Variants in EML4 observed in about 807,000 individuals in gnomAD.
EML4 encodes the protein echinoderm microtubule-associated protein-like 4.
A neutral mutation model predicts 129.0 loss-of-function variants in EML4; 72 were observed. The observed-to-expected ratio is 0.56, with a 90% CI of 0.46 to 0.68. The LOEUF is 0.68. Ranked by LOEUF, EML4 falls within the 30% of genes least tolerant of loss-of-function variation. The pLI is 0.00. For missense variants in EML4, 1,363 were observed against 1,190.6 expected, an observed-to-expected ratio of 1.14 and a Z score of -2.13; for synonymous variants, 532 against 405.0, an observed-to-expected ratio of 1.31 and a Z score of -3.77.
In EML4 at chr2:42,261,252, A is replaced by G. The variant is rs1163484049; in HGVS notation, c.470A>G (p.His157Arg). Residue 157 changes from histidine to arginine, a missense_variant, in exon 4 of 23, where the codon CAC (histidine) becomes CGC (arginine). Physicochemically the swap from His to Arg is conservative, Grantham distance 29 (BLOSUM62 0). Coordinates refer to ENST00000318522, the MANE Select transcript of EML4 (RefSeq NM_019063.5). The stretch of plus-strand genomic sequence containing the variant: ...CCCTCTTCACAACCTCTCCAAATAC[A>G]CAGACAAACTCCAGAAAGCAAGAAT... ...PQPSSQPLQI[H>R]RQTPESKNAT... 5.0e-6 allele frequency: 8 copies of G among 1,613,794 alleles called. No homozygotes were observed. The highest frequency in any genetic ancestry group is 6.8e-6 in the Non-Finnish European group (8 of 1,179,884).
chr2:42,212,674 A>G (rs1490712041), intron 1 of EML4, among the ~76,000 whole-genome samples: 1 of 152,376 alleles, frequency 6.6e-6, no homozygotes, highest in South Asian at 2.1e-4. Flanking sequence ...CTGTATGTCC[A>G]CATTATTCAC....
chr2:42,329,678 A>G lies in EML4; in HGVS notation c.2473-56A>G, dbSNP rs187296631. The G allele has an allele frequency of 2.4e-4, 344 of 1,452,098 alleles. No individual in the cohort carries two copies. In the African/African-American group the frequency reaches 4.5e-3, roughly 19 times the overall value. The allele number at this position is 1,452,098 out of a possible 1,614,324, so 90.0% of individuals were successfully genotyped here. A position where few individuals can be genotyped will look rare whatever the true frequency, so the allele number is the denominator to read the frequency against. On this transcript the variant is annotated intron_variant, in intron 22 of 22. Transcript: ENST00000318522. ...CTTACGTATCACCTCCATTTCTGAA[A>G]CAGGCATGTCAAGAATGAGTTTAAT...
intron 8 of EML4, among the ~76,000 whole-genome samples, chr2:42,283,367 A>G (rs554034143): frequency 2.8e-4 from 43 of 152,300 alleles, no homozygotes; most frequent in Non-Finnish European, 5.3e-4. Context: ...TTGAAGCTTT[A>G]TTCTTTTGGG....
At chr2:42,283,661 TTATAA>T (rs1324260075) in intron 8 of EML4, among the ~76,000 whole-genome samples, 4 of 152,182 alleles carry the variant, frequency 2.6e-5, no homozygotes, top group East Asian at 1.9e-4. Context: ...TAGATGACTA[TTATAA>T]TATTATATAG....
In EML4 at chr2:42,271,002, C is replaced by A. The variant is rs142061735; in HGVS notation, c.667+6271C>A. On this transcript the variant is annotated intron_variant, in intron 6 of 22. Coordinates refer to ENST00000318522, the MANE Select transcript of EML4 (RefSeq NM_019063.5). Reference sequence around the variant, plus strand: ...CCTTGACCTCCCGGGCTCAGTTGATCCTCCCATCTCAGCCCCCAGAGTAGC... The same window carrying A: ...CCTTGACCTCCCGGGCTCAGTTGATACTCCCATCTCAGCCCCCAGAGTAGC... Among the ~76,000 whole-genome samples, 685 of 152,230 alleles carry A rather than the reference C, an allele frequency of 4.5e-3. 5 individuals carry two copies. Among genetic ancestry groups the A allele is most frequent in the Non-Finnish European group, 7.9e-3 (534 of 68,012 alleles).
At chr2:42,176,356 C>T (rs866090237) in intron 1 of EML4, among the ~76,000 whole-genome samples, 2 of 152,134 alleles carry the variant, frequency 1.3e-5, no homozygotes, top group Non-Finnish European at 2.9e-5. Flanking sequence ...TTATTTTGTA[C>T]AGGGCCCTCA....
intron 2 of EML4, among the ~76,000 whole-genome samples, chr2:42,251,180 C>T (rs112921853): frequency 0.037 from 5,634 of 152,266 alleles, 142 homozygotes; most frequent in Middle Eastern, 0.075. Flanking sequence ...GTTGGGGACC[C>T]CTGGTATAGT....
intron 1 of EML4, among the ~76,000 whole-genome samples, chr2:42,218,882 G>T (rs1020356643): frequency 6.6e-6 from 1 of 152,158 alleles, no homozygotes. Context: ...CAGCCTAGAC[G>T]TGAACTCCTG....
At chr2:42,248,725 T>C (rs1675573202) in intron 2 of EML4, among the ~76,000 whole-genome samples, 1 of 152,306 alleles carries the variant, frequency 6.6e-6, no homozygotes, top group Middle Eastern at 3.4e-3. Flanking sequence ...TACTTCATAA[T>C]TAACTTTGCT....
chr2:42,304,234 T>C (rs1338168244), intron 16 of EML4, among the ~76,000 whole-genome samples: 1 of 152,210 alleles, frequency 6.6e-6, no homozygotes, highest in Non-Finnish European at 1.5e-5. Context: ...TTTGTTGTTA[T>C]TATCCTTATT....
rs1003470710 is a variant in EML4, at chr2:42,330,679, CCT to C, written c.*476_*477del. On this transcript the variant is annotated 3_prime_UTR_variant, in exon 23 of 23. Transcript: ENST00000318522. ...AAAAAATGTACTCTTACTGAGATAC[CCT>C]CTCACCCCAAATGTGTAATGGAAAA... 5.6e-5 allele frequency: 14 copies of C among 248,906 alleles called. No individual in the cohort carries two copies. The highest frequency in any genetic ancestry group is 3.1e-4 in the African/African-American group (14 of 44,494). 15.4% of individuals were successfully genotyped at this position (248,906 alleles called of 1,614,324 possible). A position where few individuals can be genotyped will look rare whatever the true frequency, so the allele number is the denominator to read the frequency against.
In EML4 at chr2:42,325,571, T is replaced by TA; in HGVS notation, c.2242+17_2242+18insA. ...TATTGTACTGTAAGTATGAATGATT[T>TA]TATATATATATATATATGCTATGAT... On this transcript the variant is annotated intron_variant, in intron 20 of 22. Transcript: ENST00000318522. The TA allele has an allele frequency of 1.2e-5, 6 of 488,236 alleles. No individual in the cohort carries two copies. The highest frequency in any genetic ancestry group is 1.8e-5 in the Non-Finnish European group (5 of 285,254). 30.2% of individuals were successfully genotyped at this position (488,236 alleles called of 1,614,324 possible).
rs1558614750 is a variant in EML4 at position 42,325,602 on chromosome 2, T to TAATATA, written c.2242+48_2242+49insAATATA. On this transcript the variant is annotated intron_variant, in intron 20 of 22. Coordinates refer to ENST00000318522, the MANE Select transcript of EML4 (RefSeq NM_019063.5). Reference sequence around the variant, plus strand: ...ATATATATATATGCTATGATTATATTTATATATATATATATATATATATAT... The same window carrying TAATATA: ...ATATATATATATGCTATGATTATATTAATATATATATATATATATATATATATATAT... The TAATATA allele has an allele frequency of 7.7e-4, 100 of 129,330 alleles. 8 individuals carry two copies. The highest frequency in any genetic ancestry group is 1.3e-3 in the Non-Finnish European group (82 of 62,006). 8.0% of individuals were successfully genotyped at this position (129,330 alleles called of 1,614,324 possible). A position where few individuals can be genotyped will look rare whatever the true frequency, so the allele number is the denominator to read the frequency against.
intron 17 of EML4, among the ~76,000 whole-genome samples, chr2:42,306,331 G>GT (rs2103741527): frequency 6.6e-6 from 1 of 152,244 alleles, no homozygotes; most frequent in Non-Finnish European, 1.5e-5. Flanking sequence ...CATCTGAGGT[G>GT]TAGTGCTGAT....
At chr2:42,318,698 TTTTG>T (rs932820041) in intron 19 of EML4, among the ~76,000 whole-genome samples, 2 of 151,206 alleles carry the variant, frequency 1.3e-5, no homozygotes, top group Non-Finnish European at 2.9e-5. Context: ...CCCCAATTTT[TTTTG>T]TTTTGTTTTG....
intron 1 of EML4, among the ~76,000 whole-genome samples, chr2:42,199,454 T>C (rs915723064): frequency 1.3e-5 from 2 of 152,210 alleles, no homozygotes; most frequent in Non-Finnish European, 2.9e-5. Context: ...TGTTAGATCC[T>C]AGTTATAAGT....
intron 1 of EML4, among the ~76,000 whole-genome samples, chr2:42,178,111 A>T (rs758264272): frequency 6.6e-6 from 1 of 152,172 alleles, no homozygotes; most frequent in Non-Finnish European, 1.5e-5. Context: ...AATATGTTTA[A>T]CAGCAGCAGC....
intron 6 of EML4, among the ~76,000 whole-genome samples, chr2:42,277,779 G>C (rs1408983343): frequency 6.6e-6 from 1 of 152,148 alleles, no homozygotes; most frequent in Non-Finnish European, 1.5e-5. Flanking sequence ...GTGTTGGCCA[G>C]GCTGGTCTCA....
At chr2:42,292,496 T>C (rs536693742) in intron 11 of EML4, among the ~76,000 whole-genome samples, 6 of 152,144 alleles carry the variant, frequency 3.9e-5, no homozygotes, top group Non-Finnish European at 5.9e-5. Flanking sequence ...AGAAATGAAA[T>C]GTTGACAAAA....
Sources: gnomAD v4.1 joint callset for allele counts (sites outside exome capture counted in the v4.1 genomes callset) on GRCh38, gnomAD v4.1.1 for gene constraint, MANE v1.5 for transcripts, NCBI Gene and HGNC (gene_info 2026-07-23, HGNC 2026-07-21) for gene names.